Variants in MYO1D observed in about 807,000 individuals in gnomAD.
The protein encoded by MYO1D is myosin ID, also known as unconventional myosin-Id.
In MYO1D, 83 loss-of-function variants were observed where a neutral mutation model predicts 122.0. That is an observed-to-expected ratio of 0.68 (90% CI 0.57 to 0.82). MYO1D has a LOEUF of 0.82. Among genes scored for constraint, MYO1D ranks in the 40% least tolerant of loss-of-function variants. The pLI is 0.00. For missense variants in MYO1D, 1,157 were observed against 1,269.5 expected, an observed-to-expected ratio of 0.91 and a Z score of 1.35; for synonymous variants, 464 against 446.9, an observed-to-expected ratio of 1.04 and a Z score of -0.48.
At chr17:32,851,179 T>C (rs2151081461) in intron 1 of MYO1D, among the ~76,000 whole-genome samples, 1 of 152,242 alleles carries the variant, frequency 6.6e-6, no homozygotes, top group Middle Eastern at 3.4e-3. Flanking sequence ...GTTTCTACCA[T>C]TCCCCCCACT....
intron 16 of MYO1D, 82 bp downstream of exon 16, chr17:32,711,906 T>G: frequency 8.7e-7 from 1 of 1,154,590 alleles, no homozygotes; most frequent in Non-Finnish European, 1.2e-6. Context: ...CAGGAATATT[T>G]CTTGAATTAA....
intron 20 of MYO1D, among the ~76,000 whole-genome samples, chr17:32,623,786 T>C (rs2087884874): frequency 6.6e-6 from 1 of 152,146 alleles, no homozygotes; most frequent in Non-Finnish European, 1.5e-5. Context: ...ATGAGGGTGC[T>C]GGTGGCCCTC....
chr17:32,675,145 G>A (rs1010198977), intron 16 of MYO1D, among the ~76,000 whole-genome samples: 4 of 152,172 alleles, frequency 2.6e-5, no homozygotes, highest in Non-Finnish European at 5.9e-5. Context: ...ATATTGCTAA[G>A]GGAATACAAC....
chr17:32,817,865 G>A (rs1470823713), intron 1 of MYO1D, among the ~76,000 whole-genome samples: 1 of 151,982 alleles, frequency 6.6e-6, no homozygotes, highest in Non-Finnish European at 1.5e-5. Flanking sequence ...GGTGGCTCAC[G>A]CCTGTAATCC....
chr17:32,748,844 T>G, intron 12 of MYO1D, 92 bp downstream of exon 12: 1 of 1,186,964 alleles, frequency 8.4e-7, no homozygotes, highest in Non-Finnish European at 1.2e-6. Flanking sequence ...AACATGCAAA[T>G]GAATATAAAA....
Position 32,767,770 on chromosome 17 carries a change from A to G in MYO1D, c.715-18T>C. ...ATAGAAGACTGGGGATGAAAATGAA[A>G]AACTGAAGTTACAGATATTTCCTAT... On this transcript the variant is annotated intron_variant, in intron 6 of 21. Coordinates refer to ENST00000318217, the MANE Select transcript of MYO1D (RefSeq NM_015194.3). 6.5e-7 allele frequency: 1 copy of G among 1,528,678 alleles called. No individual in the cohort carries two copies. The highest frequency in any genetic ancestry group is 1.1e-5 in the South Asian group (1 of 88,822). 94.7% of individuals were successfully genotyped at this position (1,528,678 alleles called of 1,614,324 possible).
At chr17:32,831,822 T>C (rs186014709) in intron 1 of MYO1D, among the ~76,000 whole-genome samples, 1 of 152,360 alleles carries the variant, frequency 6.6e-6, no homozygotes, top group East Asian at 1.9e-4. Context: ...CTCAGTGATA[T>C]GCTGCTTTCA....
intron 14 of MYO1D, among the ~76,000 whole-genome samples, chr17:32,733,823 A>T (rs1343332574): frequency 1.3e-5 from 2 of 152,094 alleles, no homozygotes; most frequent in Non-Finnish European, 2.9e-5. Context: ...TAGATTCAAG[A>T]TGTTGATTTT....
intron 21 of MYO1D, among the ~76,000 whole-genome samples, chr17:32,532,261 G>A (rs1910527223): frequency 6.6e-6 from 1 of 152,210 alleles, no homozygotes; most frequent in African/African-American, 2.4e-5. Context: ...GAAATGATCT[G>A]CTTTCTTTTG....
At chr17:32,654,831 C>G (rs1374290500) in intron 17 of MYO1D, among the ~76,000 whole-genome samples, 1 of 152,128 alleles carries the variant, frequency 6.6e-6, no homozygotes, top group African/African-American at 2.4e-5. Flanking sequence ...GTGTGTGCCA[C>G]CATGCCTGGT....
rs1345832191 is a variant in MYO1D, at chr17:32,876,833, A to G, written c.40T>C (p.Phe14Leu). 5 of 1,523,288 alleles carry G rather than the reference A, an allele frequency of 3.3e-6. No individual in the cohort carries two copies. The East Asian group carries it at 8.4e-5, about 26-fold the overall frequency. The allele number at this position is 1,523,288 out of a possible 1,614,324, so 94.4% of individuals were successfully genotyped here. A position where few individuals can be genotyped will look rare whatever the true frequency, so the allele number is the denominator to read the frequency against. Residue 14 changes from phenylalanine to leucine, a missense_variant, in exon 1 of 22, where the codon TTC becomes CTC. Physicochemically the swap from Phe to Leu is conservative, Grantham distance 22. Coordinates refer to ENST00000318217, the MANE Select transcript of MYO1D (RefSeq NM_015194.3). ...ATGGAGACGGTGTCCATCAGCACGA[A>G]GTCTGCCTTGCCGAATTCCAGGCTC... The part of the protein sequence containing the change: ...QESLEFGKAD[F>L]VLMDTVSMPE...
rs151135051 is a variant in MYO1D at position 32,528,227 on chromosome 17, G to A, written c.2865-33312C>T. Among the ~76,000 whole-genome samples, 917 of 152,288 alleles carry A rather than the reference G, an allele frequency of 6.0e-3. 9 individuals carry two copies. Among genetic ancestry groups the A allele is most frequent in the African/African-American group, 0.021 (891 of 41,558 alleles). Reference sequence around the variant, plus strand: ...TCTGCCCCACTGGGCCAGTGGTTTTGGGGAAGAAGGTATCCAGTACCTTGA... The same window carrying A: ...TCTGCCCCACTGGGCCAGTGGTTTTAGGGAAGAAGGTATCCAGTACCTTGA... On this transcript the variant is annotated intron_variant, in intron 21 of 21. Coordinates refer to ENST00000318217, the MANE Select transcript of MYO1D (RefSeq NM_015194.3).
rs1598069120 is a variant in MYO1D, at chr17:32,755,663, C to A, written c.1297-1G>T. ...TGATCTGATTGTTGAAGTAGTCAAT[C>A]TGTAGGACACAGCAAGGAGGGAATT... is the stretch of plus-strand genomic sequence containing the variant. On this transcript the variant is annotated splice_acceptor_variant, in intron 10 of 21. Coordinates refer to ENST00000318217, the MANE Select transcript of MYO1D (RefSeq NM_015194.3). LOFTEE classifies it high-confidence loss of function. The A allele has an allele frequency of 6.2e-7, 1 of 1,611,870 alleles. No homozygotes were observed.
intron 21 of MYO1D, among the ~76,000 whole-genome samples, chr17:32,558,378 A>T (rs1286946980): frequency 6.6e-5 from 10 of 152,216 alleles, no homozygotes; most frequent in Admixed American, 6.5e-4. Flanking sequence ...AGTTTGATTA[A>T]AAGTGTTTTA....
intron 8 of MYO1D, 48 bp from the exon 9 acceptor site, chr17:32,760,675 C>T: frequency 1.3e-6 from 2 of 1,562,692 alleles, no homozygotes; most frequent in Non-Finnish European, 8.7e-7. Context: ...GGGAATGAGT[C>T]CTCTGTTTGG....
intron 13 of MYO1D, among the ~76,000 whole-genome samples, chr17:32,739,819 G>C (rs1598054652): frequency 6.6e-6 from 1 of 152,196 alleles, no homozygotes; most frequent in South Asian, 2.1e-4. Flanking sequence ...AATAATAGCT[G>C]CAAGATGAAA....
chr17:32,742,620 C>T (rs181331549), intron 13 of MYO1D, among the ~76,000 whole-genome samples: 1 of 152,306 alleles, frequency 6.6e-6, no homozygotes, highest in East Asian at 1.9e-4. Context: ...AAATGCTGGA[C>T]TCTGTCATTT....
At chr17:32,757,232 G>C (rs576869282) in intron 10 of MYO1D, among the ~76,000 whole-genome samples, 20 of 152,142 alleles carry the variant, frequency 1.3e-4, no homozygotes, top group African/African-American at 4.8e-4. Flanking sequence ...CTGTAAACTG[G>C]GTAGTTTTTA....
Position 32,629,688 on chromosome 17 carries a change from G to A in MYO1D, c.2709+9034C>T, listed in dbSNP as rs539185665. ...GGAGGTTGCACTGAGCCAAAATTGC[G>A]CCACTACACTCCAGCCTGGGTGACA... On this transcript the variant is annotated intron_variant, in intron 20 of 21. Transcript: ENST00000318217. Among the ~76,000 whole-genome samples, 16 of 148,404 alleles carry A rather than the reference G, an allele frequency of 1.1e-4. No individual in the cohort carries two copies. In the East Asian group the frequency reaches 3.2e-3, roughly 29 times the overall value.
Sources: gnomAD v4.1 joint callset for allele counts (sites outside exome capture counted in the v4.1 genomes callset) on GRCh38, gnomAD v4.1.1 for gene constraint, MANE v1.5 for transcripts, NCBI Gene and HGNC (gene_info 2026-07-23, HGNC 2026-07-21) for gene names.